The following IRAG2 variants were observed in gnomAD, a reference collection of about 807,000 sequenced individuals.
The protein encoded by IRAG2 is inositol 1,4,5-triphosphate receptor associated 2.
Under a neutral mutation model 69.9 loss-of-function variants are expected in IRAG2, and 45 were observed. The ratio of observed to expected loss-of-function variants is 0.64; its 90% CI spans 0.51 to 0.83. IRAG2 has a LOEUF of 0.83. IRAG2 is among the 40% of genes least tolerant of loss of function. The pLI is 0.00. For synonymous variants in IRAG2, 193 were observed against 202.4 expected (o/e 0.95, Z 0.40); for missense variants, 520 against 587.0 (o/e 0.89, Z 1.18).
At chr12:25,102,293 TA>T (rs1365922551) in intron 17 of IRAG2, 52 bp downstream of exon 17, 1 of 1,445,336 alleles carries the variant, frequency 6.9e-7, no homozygotes, top group Non-Finnish European at 9.6e-7. Context: ...AAGACGGTTT[TA>T]AAATGTTATT....
intron 2 of IRAG2, among the ~76,000 whole-genome samples, chr12:25,005,846 A>G (rs1944426339): frequency 6.6e-6 from 1 of 152,184 alleles, no homozygotes; most frequent in South Asian, 2.1e-4. Context: ...TAATTTATTA[A>G]TAAGTTCCCA....
intron 10 of IRAG2, among the ~76,000 whole-genome samples, chr12:25,086,922 T>C (rs570268294): frequency 2.6e-5 from 4 of 152,232 alleles, no homozygotes; most frequent in East Asian, 1.9e-4. Flanking sequence ...TTATGTGACC[T>C]TAAAACATAT....
At position 25,102,183 on chromosome 12, in the gene IRAG2, T is replaced by G. The variant is rs773242688; in HGVS notation, c.890-15T>G. The G allele has an allele frequency of 6.2e-7, 1 of 1,610,572 alleles. No individual in the cohort carries two copies. The highest frequency in any genetic ancestry group is 1.1e-5 in the South Asian group (1 of 90,836). ...GTGTAATAGCTAAAATGTGTCAATG[T>G]GTTTTTCCTTTCAGATGACTGCCAA... On this transcript the variant is annotated splice_polypyrimidine_tract_variant and intron_variant, in intron 16 of 21. Coordinates refer to ENST00000556887, the MANE Select transcript of IRAG2 (RefSeq NM_001366544.2).
Position 25,107,024 on chromosome 12 carries a change from T to C in IRAG2, c.1230T>C (p.Asn410=). 6.2e-7 allele frequency: 1 copy of C among 1,603,136 alleles called. No homozygotes were observed. The highest frequency in any genetic ancestry group is 8.5e-7 in the Non-Finnish European group (1 of 1,172,492). The change falls in exon 21 of 22, where the codon AAT becomes AAC. Residue 410 remains asparagine (N), a synonymous_variant. Coordinates refer to ENST00000556887, the MANE Select transcript of IRAG2 (RefSeq NM_001366544.2). ...RKPSLSEKKN[N]PSKWDVSSVY... ...CAAGTCTTTCTGAAAAGAAAAATAA[T>C]CCATCAAAGTGGGATGTCTCTTCAG...
chr12:25,063,550 C>A (rs1462022605), intron 3 of IRAG2, among the ~76,000 whole-genome samples, 170 bp from the exon 4 acceptor site: 1 of 152,146 alleles, frequency 6.6e-6, no homozygotes, highest in Non-Finnish European at 1.5e-5. Context: ...ACCTTTTGAT[C>A]AAACACTTGA....
At chr12:25,048,351 C>CG (rs1247750775), upstream of IRAG2, among the ~76,000 whole-genome samples, 1 of 151,940 alleles carries the variant, frequency 6.6e-6, no homozygotes. Context: ...AGTGCAATGG[C>CG]GGGGTCTCGA....
At chr12:25,067,598 A>G (rs977686818) in intron 5 of IRAG2, among the ~76,000 whole-genome samples, 2 of 152,196 alleles carry the variant, frequency 1.3e-5, no homozygotes, top group African/African-American at 4.8e-5. Flanking sequence ...AGTAGCTCAC[A>G]GAACTCGGGG....
At chr12:25,048,404 C>T (rs1944814887), upstream of IRAG2, among the ~76,000 whole-genome samples, 1 of 152,130 alleles carries the variant, frequency 6.6e-6, no homozygotes. Flanking sequence ...TCAAGCGATT[C>T]CTCTGCCTCA....
exon 5 of IRAG2, chr12:25,015,360 C>T (rs1944518731): frequency 1.6e-6 from 2 of 1,231,644 alleles, no homozygotes; most frequent in South Asian, 4.1e-5. Context: ...TGAAGATGAG[C>T]ACAGATATAA....
chr12:25,059,234 CA>C (rs1945451296), intron 1 of IRAG2, among the ~76,000 whole-genome samples: 1 of 152,022 alleles, frequency 6.6e-6, no homozygotes, highest in Non-Finnish European at 1.5e-5. Context: ...TCAGAAGGAG[CA>C]CAGGGCCTTC....
At position 25,004,970 on chromosome 12, in the gene IRAG2, C is replaced by A. The variant is rs933537289; in HGVS notation, c.574+55C>A. ...TCCAATAGAGCAATAAACATATCTACTTTTAGAATACCTGAACTAAAAAAA... is the reference window on the plus strand; with the variant it reads ...TCCAATAGAGCAATAAACATATCTAATTTTAGAATACCTGAACTAAAAAAA... On this transcript the variant is annotated intron_variant, in intron 1 of 38. Transcript: ENST00000636465. 7 of 1,065,000 alleles carry A rather than the reference C, an allele frequency of 6.6e-6. No individual in the cohort carries two copies. The African/African-American group carries it at 1.1e-4, about 17-fold the overall frequency. 66.0% of individuals were successfully genotyped at this position (1,065,000 alleles called of 1,614,324 possible).
chr12:25,013,866 C>T lies in IRAG2; in HGVS notation c.897-1316C>T, dbSNP rs1230316222. 6.3e-3 allele frequency among the ~76,000 whole-genome samples: 496 copies of T among 79,272 alleles called. 19 individuals carry two copies. Among genetic ancestry groups the T allele is most frequent in the East Asian group, 9.8e-3 (21 of 2,138 alleles). 52.0% of individuals were successfully genotyped at this position (79,272 alleles called of 152,430 possible). On this transcript the variant is annotated intron_variant, in intron 3 of 38. Transcript: ENST00000636465. ...GGTTTTAATTTTTTGTTTTCTTTTT[C>T]TTTTTTTTTTTTTTTTTTTTTTTTT...
chr12:25,038,812 A>T (rs1193109953), intron 16 of IRAG2, among the ~76,000 whole-genome samples: 1 of 152,218 alleles, frequency 6.6e-6, no homozygotes, highest in Non-Finnish European at 1.5e-5. Flanking sequence ...GAATTGACTA[A>T]GACCTGAGAG....
rs1221697425 is a variant in IRAG2, at chr12:25,076,617, T to G, written c.25-2627T>G. ...TGCATTCTCTTTCATATTTCTTAAATATGAATACCCATGATCTTGACAGGT... is the reference window on the plus strand; with the variant it reads ...TGCATTCTCTTTCATATTTCTTAAAGATGAATACCCATGATCTTGACAGGT... On this transcript the variant is annotated intron_variant, in intron 6 of 21. Coordinates refer to ENST00000556887, the MANE Select transcript of IRAG2 (RefSeq NM_001366544.2). 5.1e-6 allele frequency: 5 copies of G among 982,974 alleles called. No homozygotes were observed. The African/African-American group carries it at 8.7e-5, about 17-fold the overall frequency. The allele number at this position is 982,974 out of a possible 1,614,324, so 60.9% of individuals were successfully genotyped here.
chr12:25,103,734 G>T, intron 17 of IRAG2, 103 bp from the exon 18 acceptor site: 1 of 793,956 alleles, frequency 1.3e-6, no homozygotes, highest in South Asian at 1.6e-5. Context: ...ACTCAGCTGT[G>T]GTCAAGTACA....
chr12:25,082,292 T>TA (rs1947267513), intron 9 of IRAG2, among the ~76,000 whole-genome samples: 1 of 152,092 alleles, frequency 6.6e-6, no homozygotes, highest in Admixed American at 6.6e-5. Context: ...CTACTTGTCC[T>TA]AAAATTTTTT....
chr12:24,999,288 A>T, the IRAG2 span, among the ~76,000 whole-genome samples: 2 of 152,200 alleles, frequency 1.3e-5, no homozygotes, highest in Non-Finnish European at 2.9e-5. Context: ...ATAACGAATA[A>T]CTTTAGGTAA....
At chr12:25,014,659 T>A (rs1297154896) in intron 3 of IRAG2, among the ~76,000 whole-genome samples, 1 of 152,106 alleles carries the variant, frequency 6.6e-6, no homozygotes, top group Admixed American at 6.5e-5. Flanking sequence ...ATGCCCAAAG[T>A]AAAATTAGTC....
At chr12:25,096,771 T>G in intron 14 of IRAG2, 139 bp from the exon 15 acceptor site, 1 of 650,310 alleles carries the variant, frequency 1.5e-6, no homozygotes, top group Non-Finnish European at 2.6e-6. Flanking sequence ...CATTCATTAT[T>G]GATCTTTGCT....
Sources: gnomAD v4.1 joint callset for allele counts (sites outside exome capture counted in the v4.1 genomes callset) on GRCh38, gnomAD v4.1.1 for gene constraint, MANE v1.5 for transcripts, NCBI Gene and HGNC (gene_info 2026-07-23, HGNC 2026-07-21) for gene names.